COLGALT2: variants seen among roughly 807,000 people sequenced by gnomAD.
The protein encoded by COLGALT2 is procollagen galactosyltransferase 2.
In COLGALT2, 49 loss-of-function variants were observed where a neutral mutation model predicts 73.4. That is an observed-to-expected ratio of 0.67 (90% CI 0.53 to 0.85). The LOEUF (loss-of-function observed/expected upper bound fraction) is 0.85. COLGALT2 is among the 40% of genes least tolerant of loss of function. The pLI, the probability that COLGALT2 is intolerant of heterozygous loss-of-function variation, is 0.00. For synonymous variants in COLGALT2, 295 were observed against 307.6 expected (o/e 0.96, Z 0.43); for missense variants, 722 against 790.2 (o/e 0.91, Z 1.03).
intron 1 of COLGALT2, among the ~76,000 whole-genome samples, chr1:184,006,137 A>C (rs1672073919): frequency 6.6e-6 from 1 of 152,210 alleles, no homozygotes; most frequent in African/African-American, 2.4e-5. Flanking sequence ...ATATAATTTC[A>C]AGAAAGCTTG....
intron 1 of COLGALT2, among the ~76,000 whole-genome samples, chr1:183,994,993 T>C (rs553793109): frequency 6.6e-6 from 1 of 152,340 alleles, no homozygotes; most frequent in Non-Finnish European, 1.5e-5. Flanking sequence ...TTCAGCTATT[T>C]AATCCTGGCT....
intron 1 of COLGALT2, among the ~76,000 whole-genome samples, chr1:184,017,622 G>T (rs577252189): frequency 6.6e-6 from 1 of 152,296 alleles, no homozygotes; most frequent in South Asian, 2.1e-4. Flanking sequence ...AAAACAAGAA[G>T]TATGATAGAG....
intron 10 of COLGALT2, 145 bp downstream of exon 10, chr1:183,944,051 T>C (rs1448419427): frequency 1.0e-6 from 1 of 1,004,368 alleles, no homozygotes; most frequent in East Asian, 2.8e-5. Flanking sequence ...CCCATTTTTA[T>C]TTCTGAGAAC....
chr1:184,005,869 T>A (rs1186379587), intron 1 of COLGALT2, among the ~76,000 whole-genome samples: 1 of 152,184 alleles, frequency 6.6e-6, no homozygotes, highest in Non-Finnish European at 1.5e-5. Context: ...TGGATGAGAA[T>A]GTCAGAGAAA....
chr1:183,943,061 A>C (rs1160239944), intron 10 of COLGALT2, among the ~76,000 whole-genome samples: 1 of 152,210 alleles, frequency 6.6e-6, no homozygotes, highest in Non-Finnish European at 1.5e-5. Context: ...CGACTTCTGG[A>C]GGATATAGGA....
At chr1:184,014,186 T>G (rs1267245938) in intron 1 of COLGALT2, among the ~76,000 whole-genome samples, 2 of 152,174 alleles carry the variant, frequency 1.3e-5, no homozygotes, top group Non-Finnish European at 2.9e-5. Context: ...GGTGAGGTTT[T>G]CCAACGAAAA....
At position 183,937,898 on chromosome 1, in the gene COLGALT2, G is replaced by T. The variant is rs1161889349; in HGVS notation, c.*863C>A. 2.0e-6 allele frequency: 2 copies of T among 985,324 alleles called. No homozygotes were observed. Among genetic ancestry groups the T allele is most frequent in the Non-Finnish European group, 2.4e-6 (2 of 829,952 alleles). The allele number at this position is 985,324 out of a possible 1,614,324, so 61.0% of individuals were successfully genotyped here. A position where few individuals can be genotyped will look rare whatever the true frequency, so the allele number is the denominator to read the frequency against. ...CAGGCTAAGGGGTGGAGCGGAGAGCGTGAAGCTCTGTAGCAGCGCGCAAAC... is the reference window on the plus strand; with the variant it reads ...CAGGCTAAGGGGTGGAGCGGAGAGCTTGAAGCTCTGTAGCAGCGCGCAAAC... On this transcript the variant is annotated 3_prime_UTR_variant, in exon 12 of 12. Coordinates refer to ENST00000361927, the MANE Select transcript of COLGALT2 (RefSeq NM_015101.4).
chr1:184,033,249 ATAGGTT>A (rs1443360219), intron 1 of COLGALT2, among the ~76,000 whole-genome samples: 1 of 152,194 alleles, frequency 6.6e-6, no homozygotes, highest in African/African-American at 2.4e-5. Flanking sequence ...CTCCCTAATC[ATAGGTT>A]TAAGGAGGAT....
At chr1:184,013,487 T>C (rs1202795536) in intron 1 of COLGALT2, among the ~76,000 whole-genome samples, 3 of 152,016 alleles carry the variant, frequency 2.0e-5, no homozygotes, top group Non-Finnish European at 2.9e-5. Flanking sequence ...AAAAAGAGCA[T>C]TTATAAAGGT....
intron 2 of COLGALT2, among the ~76,000 whole-genome samples, chr1:183,977,804 AAGAGAGAAAG>A (rs1282467553): frequency 8.0e-6 from 1 of 124,912 alleles, no homozygotes; most frequent in Non-Finnish European, 1.6e-5. Context: ...GAAAGAAGGA[AAGAGAGAAAG>A]AGAGAGAGAG....
chr1:183,949,250 T>C (rs1670329679), intron 8 of COLGALT2, among the ~76,000 whole-genome samples: 1 of 152,134 alleles, frequency 6.6e-6, no homozygotes, highest in Admixed American at 6.5e-5. Flanking sequence ...CTAAAATTCA[T>C]ATGGAAAAAG....
At position 183,969,396 on chromosome 1, in the gene COLGALT2, G is replaced by A. The variant is rs890355898; in HGVS notation, c.705C>T (p.Val235=). ...KRTGCFPVPM[V]HSTFLIDLRK... ...TGAGGTCAATTAGGAAGGTGGAGTG[G>A]ACCATGGGGACGGGGAAGCAGCCTG... is the stretch of plus-strand genomic sequence containing the variant. Residue 235 remains valine, a synonymous_variant, in exon 5 of 12, where the codon GTC becomes GTT. Coordinates refer to ENST00000361927, the MANE Select transcript of COLGALT2 (RefSeq NM_015101.4). The A allele has an allele frequency of 6.2e-7, 1 of 1,613,922 alleles. No homozygotes were observed.
chr1:184,033,056 C>T (rs1557869065), intron 1 of COLGALT2, among the ~76,000 whole-genome samples: 1 of 152,184 alleles, frequency 6.6e-6, no homozygotes, highest in African/African-American at 2.4e-5. Context: ...AACAAAATGC[C>T]CAAATCTTTC....
intron 1 of COLGALT2, among the ~76,000 whole-genome samples, chr1:183,980,483 A>C (rs948942798): frequency 3.3e-5 from 5 of 152,050 alleles, no homozygotes; most frequent in African/African-American, 9.7e-5. Flanking sequence ...ATATAATAGA[A>C]GATTTTCCAG....
In COLGALT2 at chr1:184,027,150, A is replaced by G. The variant is rs774752498; in HGVS notation, c.263+9945T>C. Among the ~76,000 whole-genome samples the G allele has an allele frequency of 3.7e-4, 56 of 152,324 alleles. 1 individual carries two copies. Among genetic ancestry groups the G allele is most frequent in the Non-Finnish European group, 5.7e-4 (39 of 68,022 alleles). On this transcript the variant is annotated intron_variant, in intron 1 of 11. Transcript: ENST00000361927. ...ATGCATGCCTGGCTGGGTTTCTCCT[A>G]TGTAATCCTGTACATTACTACTTCT...
In COLGALT2 at chr1:183,938,183, T is replaced by C; in HGVS notation, c.*578A>G. 1 of 981,836 alleles carries C rather than the reference T, an allele frequency of 1.0e-6. No homozygotes were observed. 60.8% of individuals were successfully genotyped at this position (981,836 alleles called of 1,614,324 possible). ...GACCCAAATACCCACCCCTACTGGATAACAGGGACTAAGATTTTTTTTTTT... is the reference window on the plus strand; with the variant it reads ...GACCCAAATACCCACCCCTACTGGACAACAGGGACTAAGATTTTTTTTTTT... On this transcript the variant is annotated 3_prime_UTR_variant, in exon 12 of 12. Transcript: ENST00000361927.
chr1:183,948,202 G>C (rs1670300460), intron 8 of COLGALT2, among the ~76,000 whole-genome samples: 1 of 151,956 alleles, frequency 6.6e-6, no homozygotes, highest in Admixed American at 6.6e-5. Context: ...CAAAAAAAAA[G>C]AGGAGGAGGG....
chr1:184,015,291 T>G (rs1159617163), intron 1 of COLGALT2, among the ~76,000 whole-genome samples: 1 of 152,192 alleles, frequency 6.6e-6, no homozygotes, highest in African/African-American at 2.4e-5. Context: ...TCTATGTGAA[T>G]GTAAGGTAAA....
intron 1 of COLGALT2, among the ~76,000 whole-genome samples, chr1:183,994,978 A>G (rs1671732848): frequency 6.6e-6 from 1 of 152,212 alleles, no homozygotes; most frequent in African/African-American, 2.4e-5. Flanking sequence ...TGACTTTTGA[A>G]ACCCTTCAGC....
Sources: allele counts gnomAD v4.1 joint callset (sites outside exome capture counted in the v4.1 genomes callset), GRCh38; gene constraint gnomAD v4.1.1; transcripts MANE v1.5; gene names NCBI Gene and HGNC (gene_info 2026-07-23, HGNC 2026-07-21).